C12orf42: variants seen among roughly 807,000 people sequenced by gnomAD.
The protein encoded by C12orf42 is chromosome 12 open reading frame 42.
C12orf42 carries 25 observed loss-of-function variants against 21.6 expected under a neutral mutation model. That is an observed-to-expected ratio of 1.16 (90% confidence interval 0.84 to 1.62). The LOEUF is 1.62. Among genes scored for constraint, C12orf42 ranks in the 40% most tolerant of loss-of-function variants. The probability of loss-of-function intolerance (pLI) is 0.00; values close to 1 mark genes in which losing one functional copy is unlikely to be tolerated. For missense variants in C12orf42, 483 were observed against 459.3 expected (o/e 1.05, Z -0.47); for synonymous variants, 174 against 175.0 (o/e 0.99, Z 0.05).
chr12:103,050,645 T>C, the C12orf42 span, among the ~76,000 whole-genome samples: 1 of 151,982 alleles, frequency 6.6e-6, no homozygotes, highest in Non-Finnish European at 1.5e-5. Context: ...AGCCCTAGAC[T>C]CTTCACCTGC....
At chr12:103,325,168 T>C (rs1015244439) in intron 4 of C12orf42, among the ~76,000 whole-genome samples, 3 of 152,172 alleles carry the variant, frequency 2.0e-5, no homozygotes, top group East Asian at 1.9e-4. Context: ...ACCACCCTTT[T>C]GGGGACATAG....
At chr12:103,500,682 T>A (rs1955696938), upstream of C12orf42, among the ~76,000 whole-genome samples, 1 of 152,218 alleles carries the variant, frequency 6.6e-6, no homozygotes, top group Non-Finnish European at 1.5e-5. Flanking sequence ...AGAGTGGGTA[T>A]TGTGTTGTGC....
chr12:103,205,577 C>G, the C12orf42 span, among the ~76,000 whole-genome samples: 1 of 152,042 alleles, frequency 6.6e-6, no homozygotes. Flanking sequence ...TGGGTGGGGG[C>G]ACAGCAAAAC....
intron 2 of C12orf42, among the ~76,000 whole-genome samples, chr12:103,407,929 G>A (rs1043639462): frequency 8.5e-5 from 13 of 152,174 alleles, no homozygotes; most frequent in Non-Finnish European, 1.5e-4. Context: ...TGGACCAAGG[G>A]AATTGTTGAC....
At chr12:103,142,997 G>A in the C12orf42 span, among the ~76,000 whole-genome samples, 1 of 152,102 alleles carries the variant, frequency 6.6e-6, no homozygotes, top group South Asian at 2.1e-4. Flanking sequence ...TCACACAAAG[G>A]GGGCAAGGTT....
chr12:103,246,597 A>G (rs1019265298), intron 10 of C12orf42, among the ~76,000 whole-genome samples: 36 of 152,068 alleles, frequency 2.4e-4, no homozygotes, highest in African/African-American at 5.8e-4. Flanking sequence ...AACATTCCAA[A>G]TATTGGAAAT....
intron 2 of C12orf42, chr12:103,476,904 C>T (rs1954095500): frequency 6.6e-6 from 1 of 152,040 alleles, no homozygotes; most frequent in South Asian, 2.1e-4. Flanking sequence ...ACTCATATAG[C>T]ACTCTTAGTG....
intron 10 of C12orf42, among the ~76,000 whole-genome samples, chr12:103,256,414 A>T (rs1173568261): frequency 6.6e-6 from 1 of 151,890 alleles, no homozygotes; most frequent in Non-Finnish European, 1.5e-5. Context: ...TGATACAAAC[A>T]AATGGAAACA....
At chr12:103,457,213 T>G (rs989749903) in intron 2 of C12orf42, among the ~76,000 whole-genome samples, 4 of 152,172 alleles carry the variant, frequency 2.6e-5, no homozygotes, top group South Asian at 4.1e-4. Flanking sequence ...CATATGATGA[T>G]AAGGGAATAG....
chr12:103,429,955 A>G (rs1490772711), intron 2 of C12orf42, among the ~76,000 whole-genome samples: 2 of 152,204 alleles, frequency 1.3e-5, no homozygotes, highest in Non-Finnish European at 2.9e-5. Flanking sequence ...CTTACACGTT[A>G]TACAAAAATT....
chr12:103,199,951 C>T, the C12orf42 span, among the ~76,000 whole-genome samples: 8 of 152,040 alleles, frequency 5.3e-5, no homozygotes, highest in African/African-American at 1.9e-4. Context: ...AGTGGAACAA[C>T]CGTATGATCC....
rs1348889890 is a variant in C12orf42 at position 103,466,915 on chromosome 12, C to A, written c.78+11434G>T. 2.0e-5 allele frequency among the ~76,000 whole-genome samples: 3 copies of A among 152,194 alleles called. No homozygotes were observed. In the East Asian group the frequency reaches 5.8e-4, roughly 29 times the overall value. Reference sequence around the variant, plus strand: ...GCCTGCTAGAGGGTGAAAGACAGAGCAGAGCCAAGTCACCCAGTCTTCCCA... The same window carrying A: ...GCCTGCTAGAGGGTGAAAGACAGAGAAGAGCCAAGTCACCCAGTCTTCCCA... On this transcript the variant is annotated intron_variant, in intron 2 of 5. Coordinates refer to ENST00000548883, the MANE Select transcript of C12orf42 (RefSeq NM_198521.5).
At position 103,373,989 on chromosome 12, in the gene C12orf42, C is replaced by T. The variant is rs1341798432; in HGVS notation, c.148-4991G>A. ...TTTAATCATGGCTCTTAATCTCTTA[C>T]CACTGAGGCATATGCAATGCAGTGT... On this transcript the variant is annotated intron_variant, in intron 3 of 5. Transcript: ENST00000548883. 3.3e-5 allele frequency among the ~76,000 whole-genome samples: 5 copies of T among 152,266 alleles called. No homozygotes were observed. In the South Asian group the frequency reaches 1.0e-3, roughly 32 times the overall value.
rs1283570082 is a variant in C12orf42 at position 103,336,942 on chromosome 12, T to A, written c.260-30597A>T. On this transcript the variant is annotated intron_variant, in intron 4 of 5. Transcript: ENST00000548883. Reference sequence around the variant, plus strand: ...ACCCCACCTTCATCCAGTTGGTGGGTGTCAAACCCAGTTTTAGGTACAACC... The same window carrying A: ...ACCCCACCTTCATCCAGTTGGTGGGAGTCAAACCCAGTTTTAGGTACAACC... Among the ~76,000 whole-genome samples, 8 of 152,118 alleles carry A rather than the reference T, an allele frequency of 5.3e-5. No homozygotes were observed. In the East Asian group the frequency reaches 1.5e-3, roughly 29 times the overall value.
At chr12:103,188,287 T>C in the C12orf42 span, among the ~76,000 whole-genome samples, 1 of 152,196 alleles carries the variant, frequency 6.6e-6, no homozygotes, top group Non-Finnish European at 1.5e-5. Context: ...TTCTTTCTTT[T>C]TTAATTTTAT....
At chr12:103,439,823 G>T (rs949277018) in intron 2 of C12orf42, among the ~76,000 whole-genome samples, 7 of 150,092 alleles carry the variant, frequency 4.7e-5, no homozygotes, top group African/African-American at 1.5e-4. Flanking sequence ...CTGTAAACTA[G>T]TTCAACCATT....
chr12:103,187,706 A>G, the C12orf42 span, among the ~76,000 whole-genome samples: 1 of 152,210 alleles, frequency 6.6e-6, no homozygotes, highest in East Asian at 1.9e-4. Flanking sequence ...GTTAAAAAAA[A>G]GGCTGGAATT....
downstream of C12orf42, among the ~76,000 whole-genome samples, chr12:103,300,177 C>T (rs1027359925): frequency 6.6e-6 from 1 of 152,090 alleles, no homozygotes. Flanking sequence ...AAGTTTTTTT[C>T]AAAAACACGT....
intron 3 of C12orf42, among the ~76,000 whole-genome samples, chr12:103,395,428 C>T (rs1165829806): frequency 1.3e-5 from 2 of 151,836 alleles, no homozygotes; most frequent in African/African-American, 2.4e-5. Flanking sequence ...CTCCGCCTCC[C>T]GGGTTCACGC....
Sources: allele counts gnomAD v4.1 joint callset (sites outside exome capture counted in the v4.1 genomes callset), GRCh38; gene constraint gnomAD v4.1.1; transcripts MANE v1.5; gene names NCBI Gene and HGNC (gene_info 2026-07-23, HGNC 2026-07-21).